The following DSCAML1 variants were observed in gnomAD, a reference collection of about 807,000 sequenced individuals.
The protein encoded by DSCAML1 is cell adhesion molecule DSCAML1.
Under a neutral mutation model 200.5 loss-of-function variants are expected in DSCAML1, and 38 were observed. The ratio of observed to expected loss-of-function variants is 0.19; its 90% CI spans 0.15 to 0.25. The LOEUF is 0.25. DSCAML1 is among the 10% of genes least tolerant of loss of function. The pLI, the probability that DSCAML1 is intolerant of heterozygous loss-of-function variation, is 1.00. For synonymous variants in DSCAML1, 1,215 were observed against 1,165.0 expected, an observed-to-expected ratio of 1.04 and a Z score of -0.87; for missense variants, 2,223 against 2,858.8, an observed-to-expected ratio of 0.78 and a Z score of 5.07.
chr11:117,550,373 G>A (rs1169064327), intron 3 of DSCAML1, among the ~76,000 whole-genome samples: 1 of 152,148 alleles, frequency 6.6e-6, no homozygotes, highest in Non-Finnish European at 1.5e-5. Context: ...TAGATTGTGT[G>A]ACTCCACATT....
chr11:117,796,334 C>G (rs923991410), intron 1 of DSCAML1, among the ~76,000 whole-genome samples: 3 of 152,232 alleles, frequency 2.0e-5, no homozygotes, highest in Non-Finnish European at 4.4e-5. Flanking sequence ...AATCTCGCAT[C>G]TTGGGGCGCG....
chr11:117,447,247 C>G (rs960099420), intron 20 of DSCAML1, among the ~76,000 whole-genome samples: 2 of 152,210 alleles, frequency 1.3e-5, no homozygotes, highest in African/African-American at 4.8e-5. Flanking sequence ...GAGATGGTGC[C>G]ACTGCACTCC....
intron 20 of DSCAML1, among the ~76,000 whole-genome samples, chr11:117,448,345 ATTC>A (rs1555169733): frequency 1.3e-5 from 2 of 152,200 alleles, no homozygotes; most frequent in Non-Finnish European, 2.9e-5. Context: ...CTACCGATTC[ATTC>A]TTCGAATGTG....
chr11:117,496,102 T>C (rs2049284285), intron 11 of DSCAML1, among the ~76,000 whole-genome samples: 1 of 152,218 alleles, frequency 6.6e-6, no homozygotes, highest in African/African-American at 2.4e-5. Context: ...GGAAGCTCCA[T>C]CTGACCACGT....
intron 3 of DSCAML1, among the ~76,000 whole-genome samples, chr11:117,677,908 C>G (rs1347037097): frequency 6.6e-6 from 1 of 152,182 alleles, no homozygotes; most frequent in Non-Finnish European, 1.5e-5. Context: ...TGCACCGCGC[C>G]TCTGACAGAG....
rs56765238 is a variant in DSCAML1, at chr11:117,515,610, C to CTTTTTTTTTT, written c.1783+847_1783+856dup. Among the ~76,000 whole-genome samples the CTTTTTTTTTT allele has an allele frequency of 4.6e-4, 30 of 65,138 alleles. 4 individuals are homozygous for CTTTTTTTTTT. Among genetic ancestry groups the CTTTTTTTTTT allele is most frequent in the South Asian group, 6.1e-4 (1 of 1,628 alleles). The allele number at this position is 65,138 out of a possible 152,430, so 42.7% of individuals were successfully genotyped here. A position where few individuals can be genotyped will look rare whatever the true frequency, so the allele number is the denominator to read the frequency against. On this transcript the variant is annotated intron_variant, in intron 8 of 32. Coordinates refer to ENST00000651296, the MANE Select transcript of DSCAML1 (RefSeq NM_020693.4). ...TGTCAAGGGCCCAGGAGGGACGAAG[C>CTTTTTTTTTT]TTTTTTTTTTTTTTTTTTTTTTTTT...
Position 117,591,301 on chromosome 11 carries a change from C to T in DSCAML1, c.512-58779G>A, listed in dbSNP as rs967284323. 4.6e-5 allele frequency among the ~76,000 whole-genome samples: 7 copies of T among 152,206 alleles called. 1 individual carries two copies. Among genetic ancestry groups the T allele is most frequent in the Middle Eastern group, 6.3e-3 (2 of 316 alleles). Reference sequence around the variant, plus strand: ...TAGCACCCCCAAAGTTTGCCTTCTGCTTCTTGGTCTGGCCGGGTTTCTCAC... The same window carrying T: ...TAGCACCCCCAAAGTTTGCCTTCTGTTTCTTGGTCTGGCCGGGTTTCTCAC... On this transcript the variant is annotated intron_variant, in intron 3 of 32. Coordinates refer to ENST00000651296, the MANE Select transcript of DSCAML1 (RefSeq NM_020693.4).
At chr11:117,641,461 C>T (rs866937817) in intron 3 of DSCAML1, among the ~76,000 whole-genome samples, 2 of 152,200 alleles carry the variant, frequency 1.3e-5, no homozygotes, top group South Asian at 2.1e-4. Flanking sequence ...CCAGCCCCAC[C>T]GAACAGATGC....
Position 117,439,341 on chromosome 11 carries a change from C to T in DSCAML1, c.4069G>A (p.Asp1357Asn), listed in dbSNP as rs751801398. ...TLLLRAVKAE[D>N]SGYYTCTATN... ...GCCGTGCACGTGTAGTAGCCAGAGT[C>T]CTCAGCCTTCACTGCACGCAGCAGC... The change falls in exon 23 of 33, where the codon GAC becomes AAC. Residue 1357 changes from aspartate to asparagine, a missense_variant. This residue lies in a region of DSCAML1 where 614 missense variants were observed against 739.1 expected (regional missense o/e 0.83). Coordinates refer to ENST00000651296, the MANE Select transcript of DSCAML1 (RefSeq NM_020693.4). The T allele has an allele frequency of 3.7e-6, 6 of 1,614,042 alleles. No homozygotes were observed. Among genetic ancestry groups the T allele is most frequent in the Non-Finnish European group, 5.1e-6 (6 of 1,180,008 alleles).
rs1016091343 is a variant in DSCAML1, at chr11:117,587,281, T to G, written c.512-54759A>C. On this transcript the variant is annotated intron_variant, in intron 3 of 32. Transcript: ENST00000651296. Reference sequence around the variant, plus strand: ...CCCCCCCACGATTTAGATACTATTATGATTCCTATATTGTAGTGGAAGACA... The same window carrying G: ...CCCCCCCACGATTTAGATACTATTAGGATTCCTATATTGTAGTGGAAGACA... Among the ~76,000 whole-genome samples, 6 of 146,734 alleles carry G rather than the reference T, an allele frequency of 4.1e-5. No homozygotes were observed. In the South Asian group the frequency reaches 1.5e-3, roughly 36 times the overall value.
intron 3 of DSCAML1, among the ~76,000 whole-genome samples, chr11:117,624,571 A>C (rs907988531): frequency 2.0e-5 from 3 of 151,924 alleles, no homozygotes; most frequent in African/African-American, 7.3e-5. Context: ...GTCCTTTATT[A>C]TGATAGGCAC....
chr11:117,518,558 G>A lies in DSCAML1; in HGVS notation c.1418C>T (p.Thr473Ile). Reference sequence around the variant, plus strand: ...GCCCCCGTCGCGGATCTGGGGGCCTGTGACGTTCATGTGGCTGATGGTGGT... The same window carrying A: ...GCCCCCGTCGCGGATCTGGGGGCCTATGACGTTCATGTGGCTGATGGTGGT... Reference protein sequence around the residue: ...DGTTISHMNVTGPQIRDGGVY... With the variant: ...DGTTISHMNVIGPQIRDGGVY... The change falls in exon 7 of 33, where the codon ACA becomes ATA. Residue 473 changes from threonine to isoleucine, a missense_variant. Thr to Ile is a moderately conservative substitution (Grantham distance 89). Transcript: ENST00000651296. This position sits in a 1 kb window ranked among gnomAD's most constrained non-coding sequence, Gnocchi z 6.3. The A allele has an allele frequency of 1.2e-6, 2 of 1,614,210 alleles. No homozygotes were observed. Among genetic ancestry groups the A allele is most frequent in the Non-Finnish European group, 8.5e-7 (1 of 1,180,038 alleles).
rs532345240 is a variant in DSCAML1 at position 117,443,947 on chromosome 11, G to C, written c.3801C>G (p.Ala1267=). The C allele has an allele frequency of 3.7e-6, 6 of 1,613,292 alleles. No homozygotes were observed. The South Asian group carries it at 6.6e-5, about 18-fold the overall frequency. Residue 1267 remains alanine (A), a synonymous_variant, in exon 21 of 33, where the codon GCC becomes GCG. Coordinates refer to ENST00000651296, the MANE Select transcript of DSCAML1 (RefSeq NM_020693.4). ...TGTTGCCCCGGCCGGCAGAGGTGAC[G>C]GCGGCCACCCACAGCAGATACTGCT... ...RGQQYLLWVA[A]VTSAGRGNSS... is the part of the protein sequence containing the mutation.
intron 3 of DSCAML1, among the ~76,000 whole-genome samples, chr11:117,761,583 A>C (rs979449172): frequency 6.6e-6 from 1 of 152,158 alleles, no homozygotes; most frequent in African/African-American, 2.4e-5. Flanking sequence ...GTACAATGGG[A>C]ATGATGGCTG....
At chr11:117,711,485 C>T (rs946393607) in intron 3 of DSCAML1, among the ~76,000 whole-genome samples, 2 of 152,204 alleles carry the variant, frequency 1.3e-5, no homozygotes, top group African/African-American at 2.4e-5. Context: ...TCCTCCCTCA[C>T]GTTCCCTGTC....
chr11:117,674,485 A>G (rs2053171260), intron 3 of DSCAML1, among the ~76,000 whole-genome samples: 1 of 152,126 alleles, frequency 6.6e-6, no homozygotes, highest in African/African-American at 2.4e-5. Context: ...GGTCATCCCA[A>G]ATGGCATGGG....
chr11:117,767,458 C>A (rs1362257980), intron 3 of DSCAML1, among the ~76,000 whole-genome samples: 2 of 152,174 alleles, frequency 1.3e-5, no homozygotes, highest in Admixed American at 6.5e-5. Context: ...GGAGAGAATC[C>A]CATTGCTGCC....
intron 3 of DSCAML1, among the ~76,000 whole-genome samples, chr11:117,639,115 A>G (rs755596363): frequency 6.6e-6 from 1 of 152,168 alleles, no homozygotes; most frequent in Non-Finnish European, 1.5e-5. Flanking sequence ...GAGGAAATGA[A>G]AAGAGATGTT....
intron 3 of DSCAML1, among the ~76,000 whole-genome samples, chr11:117,769,811 C>T (rs1016957248): frequency 3.3e-5 from 5 of 151,776 alleles, no homozygotes; most frequent in South Asian, 4.2e-4. Flanking sequence ...ATATGTCAAA[C>T]GCTTAGAACA....
Sources: gnomAD v4.1 joint callset for allele counts (sites outside exome capture counted in the v4.1 genomes callset) on GRCh38, gnomAD v4.1.1 for gene constraint, gnomAD v4.1.1 regional missense constraint, Gnocchi (gnomAD v3.1) non-coding constraint, MANE v1.5 for transcripts, NCBI Gene and HGNC (gene_info 2026-07-23, HGNC 2026-07-21) for gene names.